Variants in GK observed in about 807,000 individuals in gnomAD.
GK encodes the protein ATP:glycerol 3-phosphotransferase.
A neutral mutation model predicts 56.4 loss-of-function variants in GK; 9 were observed. The observed-to-expected ratio is 0.16, with a 90% CI of 0.10 to 0.28. The LOEUF (loss-of-function observed/expected upper bound fraction) is 0.28, where lower values mean the gene tolerates loss of function less well. Ranked by LOEUF, GK falls within the 10% of genes least tolerant of loss-of-function variation. The probability of loss-of-function intolerance (pLI) is 1.00; values close to 1 mark genes in which losing one functional copy is unlikely to be tolerated. For missense variants in GK, 161 were observed against 431.4 expected, an observed-to-expected ratio of 0.37 and a Z score of 5.55; for synonymous variants, 104 against 144.1, an observed-to-expected ratio of 0.72 and a Z score of 1.99.
chrX:30,722,296 T>C (rs748003308), intron 18 of GK, among the ~76,000 whole-genome samples: 49 of 112,778 alleles, frequency 4.3e-4, no homozygotes, highest in African/African-American at 1.4e-3. Context: ...TATTCTGTCA[T>C]TTTTAACTTT....
intron 13 of GK, among the ~76,000 whole-genome samples, chrX:30,712,378 C>A (rs867233391): frequency 1.8e-5 from 2 of 111,711 alleles, no homozygotes; most frequent in South Asian, 7.5e-4. Flanking sequence ...CCATTTTTCA[C>A]AGTAGATGTG....
Position 30,694,554 on chromosome X carries a change from T to C in GK, c.552+17T>C, listed in dbSNP as rs747503646. On this transcript the variant is annotated intron_variant, in intron 6 of 20. Coordinates refer to ENST00000427190, the MANE Select transcript of GK (RefSeq NM_001205019.2). ...CTTATTTGGGTATGTTTAAATATAA[T>C]GGATATATGGAGAATTTTTTCAGAA... 1.7e-6 allele frequency: 2 copies of C among 1,174,108 alleles called. No homozygotes were observed. Among genetic ancestry groups the C allele is most frequent in the Non-Finnish European group, 2.3e-6 (2 of 862,974 alleles).
chrX:30,728,708 T>C, intron 20 of GK, 24 bp from the exon 21 acceptor site: 1 of 1,088,996 alleles, frequency 9.2e-7, no homozygotes, highest in Non-Finnish European at 1.3e-6. Flanking sequence ...TATTGACATA[T>C]ATGGTTTTTG....
intron 6 of GK, chrX:30,695,162 C>T: frequency 1.1e-6 from 1 of 872,981 alleles, no homozygotes. Flanking sequence ...TTTTAACATT[C>T]AAGGGAATGT....
intron 1 of GK, among the ~76,000 whole-genome samples, chrX:30,655,714 T>C (rs1442669129): frequency 3.6e-5 from 4 of 112,321 alleles, no homozygotes; most frequent in African/African-American, 1.3e-4. Flanking sequence ...CTGTTCATTA[T>C]TGCTGTCCAT....
intron 4 of GK, among the ~76,000 whole-genome samples, chrX:30,678,436 G>T (rs1934058681): frequency 9.0e-6 from 1 of 111,549 alleles, no homozygotes; most frequent in Admixed American, 9.6e-5. Flanking sequence ...AGAAAGCAAA[G>T]CACAATTTTT....
At chrX:30,660,792 AT>A (rs369296212) in intron 1 of GK, among the ~76,000 whole-genome samples, 5,887 of 90,028 alleles carry the variant, frequency 0.065, 185 homozygotes, top group Non-Finnish European at 0.082. Flanking sequence ...CTGAGAACAG[AT>A]TTTTTTTTTT....
intron 13 of GK, among the ~76,000 whole-genome samples, chrX:30,712,447 T>G (rs187813474): frequency 9.0e-6 from 1 of 111,544 alleles, no homozygotes; most frequent in African/African-American, 3.3e-5. Context: ...CCTCTCTATC[T>G]AGTCTAGAGT....
chrX:30,661,012 C>T (rs142171993), intron 1 of GK, among the ~76,000 whole-genome samples: 4,860 of 109,228 alleles, frequency 0.044, 286 homozygotes, highest in African/African-American at 0.15. Context: ...CGGGGTTTCA[C>T]TAGGTTGGTC....
chrX:30,695,991 A>G lies in GK; in HGVS notation c.553-51A>G, dbSNP rs772885810. ...GATTATGACCCTTAACAATATGTAAATTAAATTGCCAATAAGTACAAATTT... is the reference window on the plus strand; with the variant it reads ...GATTATGACCCTTAACAATATGTAAGTTAAATTGCCAATAAGTACAAATTT... On this transcript the variant is annotated intron_variant, in intron 6 of 20. Transcript: ENST00000427190. 20 of 647,553 alleles carry G rather than the reference A, an allele frequency of 3.1e-5. No homozygotes were observed. In the East Asian group the frequency reaches 6.6e-4, roughly 21 times the overall value. The allele number at this position is 647,553 out of a possible 1,213,427, so 53.4% of individuals were successfully genotyped here.
Position 30,702,216 on chromosome X carries a change from A to AT in GK, c.851+1316dup, listed in dbSNP as rs767773141. On this transcript the variant is annotated intron_variant, in intron 11 of 20. Transcript: ENST00000427190. ...CGCCACCACGCCCAGCTAATTTTGT[A>AT]TTTTTAGTAGAGACGGAGTTTCTCC... 4.5e-5 allele frequency among the ~76,000 whole-genome samples: 5 copies of AT among 110,212 alleles called. No individual in the cohort carries two copies. The East Asian group carries it at 1.4e-3, about 31-fold the overall frequency.
At chrX:30,724,225 T>C (rs990354727) in intron 19 of GK, 44 bp downstream of exon 19, 2 of 803,195 alleles carry the variant, frequency 2.5e-6, no homozygotes, top group African/African-American at 2.0e-5. Context: ...TCTTAGTATA[T>C]TAAATAGTTA....
chrX:30,718,439 A>C (rs1434253475), intron 13 of GK, 99 bp from the exon 14 acceptor site: 3 of 558,582 alleles, frequency 5.4e-6, no homozygotes, highest in Non-Finnish European at 9.4e-6. Flanking sequence ...ATGGAAACTG[A>C]ATTCTGTCCA....
At chrX:30,668,903 G>T (rs114672560) in intron 3 of GK, among the ~76,000 whole-genome samples, 4,126 of 110,705 alleles carry the variant, frequency 0.037, 210 homozygotes, top group African/African-American at 0.13. Context: ...TAGCAGTGGA[G>T]GTGGAGAGAA....
intron 1 of GK, among the ~76,000 whole-genome samples, chrX:30,658,686 A>G (rs773124488): frequency 1.8e-5 from 2 of 112,236 alleles, no homozygotes; most frequent in South Asian, 3.6e-4. Context: ...ATCACATTAC[A>G]CAAGTACCAG....
intron 4 of GK, among the ~76,000 whole-genome samples, chrX:30,681,416 C>G (rs138467696): frequency 0.047 from 5,174 of 110,990 alleles, 132 homozygotes; most frequent in Non-Finnish European, 0.067. Context: ...TAGACTGAAG[C>G]ACAGAGAAAC....
chrX:30,673,279 A>C (rs1394717828), intron 3 of GK, among the ~76,000 whole-genome samples: 3 of 112,226 alleles, frequency 2.7e-5, no homozygotes, highest in Admixed American at 1.9e-4. Flanking sequence ...AAAGACTTTG[A>C]GGCCAGGAAA....
At chrX:30,657,568 G>A (rs1176428906) in intron 1 of GK, among the ~76,000 whole-genome samples, 6 of 112,681 alleles carry the variant, frequency 5.3e-5, no homozygotes, top group Non-Finnish European at 1.1e-4. Context: ...GGCTTGAAAT[G>A]TGTCAGGTAC....
chrX:30,675,995 T>C (rs1158192270), intron 3 of GK, among the ~76,000 whole-genome samples: 1 of 112,343 alleles, frequency 8.9e-6, no homozygotes, highest in Non-Finnish European at 1.9e-5. Flanking sequence ...TTTGCCATGT[T>C]GGCCAGGCTG....
Sources: gnomAD v4.1 joint callset for allele counts (sites outside exome capture counted in the v4.1 genomes callset) on GRCh38, gnomAD v4.1.1 for gene constraint, MANE v1.5 for transcripts, NCBI Gene and HGNC (gene_info 2026-07-23, HGNC 2026-07-21) for gene names.